GMDS: variants seen among roughly 807,000 people sequenced by gnomAD.
GMDS encodes the protein GDP-mannose 4,6 dehydratase.
Under a neutral mutation model 49.9 loss-of-function variants are expected in GMDS, and 20 were observed. The ratio of observed to expected loss-of-function variants is 0.40; its 90% CI spans 0.28 to 0.58. The LOEUF is 0.58. Among genes scored for constraint, GMDS ranks in the 20% least tolerant of loss-of-function variants. The probability of loss-of-function intolerance (pLI) is 0.42; values close to 1 mark genes in which losing one functional copy is unlikely to be tolerated. For synonymous variants in GMDS, 177 were observed against 178.6 expected, an observed-to-expected ratio of 0.99 and a Z score of 0.07; for missense variants, 362 against 481.4, an observed-to-expected ratio of 0.75 and a Z score of 2.32.
At position 1,766,999 on chromosome 6, in the gene GMDS, G is replaced by C. The variant is rs1334242716; in HGVS notation, c.772-24413C>G. Among the ~76,000 whole-genome samples, 3 of 152,314 alleles carry C rather than the reference G, an allele frequency of 2.0e-5. No individual in the cohort carries two copies. The highest frequency in any genetic ancestry group is 4.4e-5 in the Non-Finnish European group (3 of 68,030). ...CAAACCTTCCTCTCACACCACAGCT[G>C]TAGGGCACACTGAACTTTATTCTGT... On this transcript the variant is annotated intron_variant, in intron 7 of 10. Coordinates refer to ENST00000380815, the MANE Select transcript of GMDS (RefSeq NM_001500.4). This position sits in a 1 kb window ranked among gnomAD's most constrained non-coding sequence, Gnocchi z 4.5.
intron 4 of GMDS, among the ~76,000 whole-genome samples, chr6:1,975,129 G>GA (rs1439360104): frequency 4.6e-5 from 7 of 152,230 alleles, no homozygotes; most frequent in Admixed American, 6.5e-5. Flanking sequence ...TTTTCATAGT[G>GA]AAAAATCTAG....
intron 4 of GMDS, among the ~76,000 whole-genome samples, chr6:2,033,787 G>A (rs568520207): frequency 5.9e-5 from 9 of 152,184 alleles, no homozygotes; most frequent in African/African-American, 2.2e-4. Flanking sequence ...GCAGATTCTT[G>A]GGTTTAACCT....
At chr6:2,164,808 T>C (rs1777581869) in intron 1 of GMDS, among the ~76,000 whole-genome samples, 1 of 152,262 alleles carries the variant, frequency 6.6e-6, no homozygotes, top group African/African-American at 2.4e-5. Flanking sequence ...ATACAAGCCT[T>C]CAGGGCATTT....
intron 7 of GMDS, among the ~76,000 whole-genome samples, chr6:1,768,311 C>T (rs769264719): frequency 6.6e-6 from 1 of 152,060 alleles, no homozygotes; most frequent in Admixed American, 6.6e-5. Flanking sequence ...ATATTTAGAA[C>T]GACAGTATAA....
At chr6:1,835,112 AC>A (rs1364294843) in intron 7 of GMDS, among the ~76,000 whole-genome samples, 1 of 152,146 alleles carries the variant, frequency 6.6e-6, no homozygotes, top group Non-Finnish European at 1.5e-5. Flanking sequence ...AAGTGCTAAC[AC>A]GGGGCAAATA....
intron 4 of GMDS, among the ~76,000 whole-genome samples, chr6:2,099,335 A>C (rs891084822): frequency 6.6e-6 from 1 of 152,180 alleles, no homozygotes; most frequent in African/African-American, 2.4e-5. Context: ...TCATAATCAC[A>C]TCCTATACAG....
At chr6:2,224,463 G>A (rs1780732389) in intron 1 of GMDS, among the ~76,000 whole-genome samples, 1 of 152,190 alleles carries the variant, frequency 6.6e-6, no homozygotes, top group African/African-American at 2.4e-5. Context: ...TTTTCAATTT[G>A]CAACCTAATT....
At chr6:1,634,040 G>A (rs1763072898) in intron 9 of GMDS, among the ~76,000 whole-genome samples, 1 of 152,210 alleles carries the variant, frequency 6.6e-6, no homozygotes, top group Non-Finnish European at 1.5e-5. Context: ...TTAAAAAGGT[G>A]GACGAGTCGT....
intron 9 of GMDS, among the ~76,000 whole-genome samples, chr6:1,671,790 G>A (rs2814812): frequency 0.19 from 28,597 of 149,808 alleles, 3,104 homozygotes; most frequent in East Asian, 0.49. Flanking sequence ...TCAGCCTCCC[G>A]AATAGCTGGG....
chr6:1,736,636 A>C (rs996186932), intron 8 of GMDS, among the ~76,000 whole-genome samples: 12 of 152,238 alleles, frequency 7.9e-5, no homozygotes, highest in Non-Finnish European at 1.5e-4. Flanking sequence ...ACATCAAAAG[A>C]AGCTTTGGCA....
chr6:2,165,045 A>C (rs549146872), intron 1 of GMDS, among the ~76,000 whole-genome samples: 1 of 152,218 alleles, frequency 6.6e-6, no homozygotes, highest in East Asian at 1.9e-4. Flanking sequence ...ATGGCCTATC[A>C]GTGCTCTCCT....
intron 9 of GMDS, among the ~76,000 whole-genome samples, chr6:1,663,397 C>A (rs7759035): frequency 0.33 from 50,143 of 152,086 alleles, 8,619 homozygotes; most frequent in Middle Eastern, 0.46. Flanking sequence ...ACCTACTTAA[C>A]TGAAACGTCC....
intron 1 of GMDS, among the ~76,000 whole-genome samples, chr6:2,237,548 G>C (rs55992523): frequency 0.13 from 16,052 of 126,658 alleles, 972 homozygotes; most frequent in Middle Eastern, 0.31. Flanking sequence ...TTGAGACAAA[G>C]TCTCGCTCTG....
In GMDS at chr6:1,640,915, G is replaced by C. The variant is rs999558241; in HGVS notation, c.988-16375C>G. ...AGCTTGAGGTGGAGGGAGCAGGCTG[G>C]GCTAGGGCCCTGAAGGGCCGGCTGG... is the stretch of plus-strand genomic sequence containing the variant. On this transcript the variant is annotated intron_variant, in intron 9 of 10. Coordinates refer to ENST00000380815, the MANE Select transcript of GMDS (RefSeq NM_001500.4). This position sits in a 1 kb window ranked among gnomAD's most constrained non-coding sequence, Gnocchi z 4.0. Among the ~76,000 whole-genome samples the C allele has an allele frequency of 1.3e-5, 2 of 152,226 alleles. No individual in the cohort carries two copies. Among genetic ancestry groups the C allele is most frequent in the African/African-American group, 4.8e-5 (2 of 41,456 alleles).
intron 9 of GMDS, among the ~76,000 whole-genome samples, chr6:1,722,566 T>C (rs909933083): frequency 6.6e-6 from 1 of 152,186 alleles, no homozygotes; most frequent in Non-Finnish European, 1.5e-5. Flanking sequence ...TACTAATAAG[T>C]ACTTTGCATA....
intron 8 of GMDS, among the ~76,000 whole-genome samples, chr6:1,738,618 G>A (rs528855937): frequency 1.3e-5 from 2 of 152,008 alleles, no homozygotes; most frequent in South Asian, 4.1e-4. Flanking sequence ...ATACGGTACA[G>A]CCTCATGTAA....
At chr6:2,233,611 GGAGTTCTA>G (rs1279191922) in intron 1 of GMDS, among the ~76,000 whole-genome samples, 7 of 152,224 alleles carry the variant, frequency 4.6e-5, no homozygotes, top group African/African-American at 1.7e-4. Context: ...CTTGAGGTCA[GGAGTTCTA>G]GACCAGCCTG....
chr6:1,922,783 G>A (rs567113780), intron 7 of GMDS, among the ~76,000 whole-genome samples: 5 of 152,242 alleles, frequency 3.3e-5, no homozygotes, highest in South Asian at 2.1e-4. Context: ...GACTTGTCCC[G>A]TCCCATCTAC....
In GMDS at chr6:1,942,864, C is replaced by T. The variant is rs1049122919; in HGVS notation, c.644-12634G>A. Among the ~76,000 whole-genome samples the T allele has an allele frequency of 1.6e-4, 24 of 152,320 alleles. No individual in the cohort carries two copies. In the East Asian group the frequency reaches 2.1e-3, roughly 13 times the overall value. On this transcript the variant is annotated intron_variant, in intron 6 of 10. Coordinates refer to ENST00000380815, the MANE Select transcript of GMDS (RefSeq NM_001500.4). ...TTTCTAAAGCCAGAGTCCTGATAGA[C>T]GCACAAGCACAAACTCAGCGAATAA...
Sources: gnomAD v4.1 joint callset for allele counts (sites outside exome capture counted in the v4.1 genomes callset) on GRCh38, gnomAD v4.1.1 for gene constraint, Gnocchi (gnomAD v3.1) non-coding constraint, MANE v1.5 for transcripts, NCBI Gene and HGNC (gene_info 2026-07-23, HGNC 2026-07-21) for gene names.